GC: variants seen among roughly 807,000 people sequenced by gnomAD.
GC encodes the protein vitamin D-binding protein.
In GC, 43 loss-of-function variants were observed where a neutral mutation model predicts 56.7. The ratio of observed to expected loss-of-function variants is 0.76; its 90% CI spans 0.59 to 0.98. The LOEUF (loss-of-function observed/expected upper bound fraction) is 0.98. Ranked by LOEUF, GC falls within the 50% of genes least tolerant of loss-of-function variation. The pLI is 0.00. For synonymous variants in GC, 216 were observed against 202.7 expected, an observed-to-expected ratio of 1.07 and a Z score of -0.56; for missense variants, 529 against 545.9, an observed-to-expected ratio of 0.97 and a Z score of 0.31.
chr4:71,751,820 T>C (rs1456377456), intron 11 of GC, among the ~76,000 whole-genome samples: 1 of 149,996 alleles, frequency 6.7e-6, no homozygotes, highest in Non-Finnish European at 1.5e-5. Context: ...ATTGATAGTG[T>C]CTAAAAAAGA....
intron 1 of GC, among the ~76,000 whole-genome samples, chr4:71,798,367 T>A (rs1743164880): frequency 6.6e-6 from 1 of 152,224 alleles, no homozygotes; most frequent in Admixed American, 6.5e-5. Context: ...GAGTGACATT[T>A]TTTTGTTTGT....
chr4:71,795,451 T>C (rs922502697), intron 1 of GC, among the ~76,000 whole-genome samples: 1 of 152,230 alleles, frequency 6.6e-6, no homozygotes, highest in Non-Finnish European at 1.5e-5. Flanking sequence ...TGGTTTAAAA[T>C]CTGTTTTATC....
intron 1 of GC, among the ~76,000 whole-genome samples, chr4:71,791,619 T>C (rs568163434): frequency 6.6e-6 from 1 of 152,222 alleles, no homozygotes; most frequent in Non-Finnish European, 1.5e-5. Context: ...GGTTGTAGTT[T>C]CCCTCACATA....
intron 1 of GC, among the ~76,000 whole-genome samples, chr4:71,798,237 A>G (rs1439739626): frequency 6.6e-6 from 1 of 152,136 alleles, no homozygotes; most frequent in Non-Finnish European, 1.5e-5. Flanking sequence ...TTCTTCCAAC[A>G]TATTATCTTT....
chr4:71,754,906 GT>G, intron 9 of GC, 71 bp downstream of exon 9: 1 of 1,045,264 alleles, frequency 9.6e-7, no homozygotes, highest in African/African-American at 1.7e-5. Context: ...CAGTGAGCAA[GT>G]TTTGGCCCAT....
intron 10 of GC, among the ~76,000 whole-genome samples, chr4:71,753,569 A>T (rs538748550): frequency 2.6e-5 from 4 of 152,002 alleles, no homozygotes; most frequent in African/African-American, 7.2e-5. Flanking sequence ...TGGTCTTCTC[A>T]ATGGAGACTT....
Position 71,796,210 on chromosome 4 carries a change from C to A in GC, c.21+7716G>T, listed in dbSNP as rs1389335994. ...TTTCCCGAATTTGAATGTTGGCCTG[C>A]CTTGCTGGTTTGGGGAAGTTCTCCT... On this transcript the variant is annotated intron_variant, in intron 1 of 13. Transcript: ENST00000504199. Among the ~76,000 whole-genome samples, 3 of 152,166 alleles carry A rather than the reference C, an allele frequency of 2.0e-5. No individual in the cohort carries two copies. In the East Asian group the frequency reaches 5.8e-4, roughly 29 times the overall value.
chr4:71,752,742 A>T, intron 10 of GC, 92 bp from the exon 11 acceptor site: 1 of 1,134,544 alleles, frequency 8.8e-7, no homozygotes, highest in Admixed American at 2.2e-5. Context: ...GATCTTTTAC[A>T]ATAAAAATGA....
At chr4:71,752,796 G>A in intron 10 of GC, 146 bp from the exon 11 acceptor site, 1 of 659,102 alleles carries the variant, frequency 1.5e-6, no homozygotes, top group Non-Finnish European at 2.6e-6. Context: ...TATACCTGTG[G>A]TATAGAATAG....
chr4:71,797,155 G>A (rs1188976659), intron 1 of GC, among the ~76,000 whole-genome samples: 1 of 152,226 alleles, frequency 6.6e-6, no homozygotes, highest in Non-Finnish European at 1.5e-5. Context: ...GGACCCACTT[G>A]AGGAGGCAGT....
intron 1 of GC, among the ~76,000 whole-genome samples, chr4:71,776,407 C>T (rs1157079874): frequency 6.6e-6 from 1 of 151,272 alleles, no homozygotes. Flanking sequence ...AAGCCAGGTA[C>T]AGAAAGAAAA....
At chr4:71,790,819 G>A (rs982506562) in intron 1 of GC, among the ~76,000 whole-genome samples, 1 of 151,558 alleles carries the variant, frequency 6.6e-6, no homozygotes, top group Non-Finnish European at 1.5e-5. Flanking sequence ...ACAATGTGCA[G>A]GTTAGTTACG....
intron 1 of GC, among the ~76,000 whole-genome samples, chr4:71,771,876 T>C (rs540852561): frequency 1.3e-5 from 2 of 152,278 alleles, no homozygotes; most frequent in South Asian, 4.1e-4. Context: ...TGTCCTCATG[T>C]GGTGATGAGC....
chr4:71,772,305 T>A (rs1742368189), intron 1 of GC, among the ~76,000 whole-genome samples: 1 of 152,156 alleles, frequency 6.6e-6, no homozygotes, highest in South Asian at 2.1e-4. Context: ...AATTCCCCCC[T>A]ACAAAATGGA....
At chr4:71,775,059 A>G in intron 1 of GC, among the ~76,000 whole-genome samples, 1 of 145,042 alleles carries the variant, frequency 6.9e-6, no homozygotes, top group South Asian at 2.2e-4. Flanking sequence ...TAAATGAAAA[A>G]GTTTGCAGGG....
At chr4:71,763,719 C>A (rs993371862) in intron 5 of GC, 85 bp downstream of exon 5, 70 of 1,245,368 alleles carry the variant, frequency 5.6e-5, no homozygotes, top group Middle Eastern at 2.0e-4. Context: ...TTACTGATTG[C>A]AAAATCTCAA....
chr4:71,797,659 G>A (rs867981147), intron 1 of GC, among the ~76,000 whole-genome samples: 59 of 152,274 alleles, frequency 3.9e-4, no homozygotes, highest in South Asian at 6.2e-4. Context: ...GCTTTGGCTC[G>A]CCCTCCATGG....
intron 1 of GC, among the ~76,000 whole-genome samples, chr4:71,793,020 A>G (rs528509380): frequency 6.6e-6 from 1 of 152,174 alleles, no homozygotes; most frequent in South Asian, 2.1e-4. Context: ...AATGGTCTAT[A>G]TCTCTGTTGG....
At chr4:71,744,482 T>C (rs1036026099) in intron 12 of GC, among the ~76,000 whole-genome samples, 12 of 124,892 alleles carry the variant, frequency 9.6e-5, no homozygotes, top group African/African-American at 3.4e-4. Context: ...AAAAAAAAGA[T>C]ACTTCTGACA....
Sources: gnomAD v4.1 joint callset for allele counts (sites outside exome capture counted in the v4.1 genomes callset) on GRCh38, gnomAD v4.1.1 for gene constraint, MANE v1.5 for transcripts, NCBI Gene and HGNC (gene_info 2026-07-23, HGNC 2026-07-21) for gene names.